The following UGT1A8 variants were observed in gnomAD, a reference collection of about 807,000 sequenced individuals.
UGT1A8 encodes the protein UDP-glucuronosyltransferase 1A8.
A neutral mutation model predicts 45.3 loss-of-function variants in UGT1A8; 39 were observed. That is an observed-to-expected ratio of 0.86 (90% CI 0.67 to 1.12). The LOEUF (loss-of-function observed/expected upper bound fraction) is 1.12. Ranked by LOEUF, UGT1A8 falls within the 50% of genes most tolerant of loss-of-function variation. The pLI is 0.00. For synonymous variants in UGT1A8, 275 were observed against 249.2 expected (o/e 1.10, Z -0.97); for missense variants, 719 against 664.9 (o/e 1.08, Z -0.90).
rs761622962 is a variant in UGT1A8 at position 233,769,246 on chromosome 2, A to C, written c.1295+807A>C. On this transcript the variant is annotated intron_variant, in intron 4 of 4. Transcript: ENST00000373450. The surrounding 1 kb of genome is among the most constrained non-coding windows in gnomAD (Gnocchi z 4.4). The stretch of plus-strand genomic sequence containing the variant: ...TAAGAGCAAAGGAAAATTTGCTCAA[A>C]TGTGGCCCTGAAAACGATTCAAAGG... Among the ~76,000 whole-genome samples the C allele has an allele frequency of 6.6e-6, 1 of 152,238 alleles. No individual in the cohort carries two copies. Among genetic ancestry groups the C allele is most frequent in the Non-Finnish European group, 1.5e-5 (1 of 68,028 alleles).
intron 1 of UGT1A8, among the ~76,000 whole-genome samples, chr2:233,677,140 C>T (rs796223393): frequency 2.0e-5 from 3 of 152,232 alleles, no homozygotes; most frequent in African/African-American, 7.2e-5. Context: ...TGGGGAGAAA[C>T]AACATCTTAG....
chr2:233,670,189 G>A (rs1168689740), intron 1 of UGT1A8, among the ~76,000 whole-genome samples: 20 of 152,186 alleles, frequency 1.3e-4, no homozygotes, highest in Admixed American at 1.3e-3. Context: ...TATTCATTAA[G>A]TGGAAGTGGA....
intron 1 of UGT1A8, among the ~76,000 whole-genome samples, chr2:233,629,535 A>C (rs28969974): frequency 0.02 from 3,023 of 152,116 alleles, 96 homozygotes; most frequent in African/African-American, 0.069. Context: ...ACTTGCCAAT[A>C]TTTTGTTTAA....
intron 1 of UGT1A8, among the ~76,000 whole-genome samples, chr2:233,678,371 A>G (rs1166606796): frequency 6.6e-6 from 1 of 152,122 alleles, no homozygotes; most frequent in African/African-American, 2.4e-5. Flanking sequence ...ATCATCTTCC[A>G]TTGAGTGGGC....
At chr2:233,732,918 GA>G (rs2078336060) in intron 1 of UGT1A8, among the ~76,000 whole-genome samples, 1 of 151,996 alleles carries the variant, frequency 6.6e-6, no homozygotes, top group South Asian at 2.1e-4. Flanking sequence ...CCATTTTCAC[GA>G]TATTGATTCT....
intron 4 of UGT1A8, chr2:233,770,154 AAC>A (rs1418683747): frequency 6.6e-6 from 1 of 152,270 alleles, no homozygotes. Context: ...TTTTTAAAAA[AAC>A]ACAAATCAAT....
At chr2:233,730,738 C>A (rs998277069) in intron 1 of UGT1A8, among the ~76,000 whole-genome samples, 1 of 152,038 alleles carries the variant, frequency 6.6e-6, no homozygotes, top group Non-Finnish European at 1.5e-5. Flanking sequence ...GCGGAAGGGG[C>A]TAGGGAGGAG....
intron 1 of UGT1A8, among the ~76,000 whole-genome samples, chr2:233,751,872 G>C (rs151015857): frequency 6.6e-6 from 1 of 152,110 alleles, no homozygotes; most frequent in Non-Finnish European, 1.5e-5. Context: ...AAATTACCCC[G>C]TCTTGGGTAT....
chr2:233,700,892 T>G (rs1471650676), intron 1 of UGT1A8, among the ~76,000 whole-genome samples: 1 of 151,456 alleles, frequency 6.6e-6, no homozygotes, highest in African/African-American at 2.4e-5. Context: ...CCCACAACAG[T>G]CCCCGGTGTG....
intron 1 of UGT1A8, among the ~76,000 whole-genome samples, chr2:233,674,532 G>T (rs1475217323): frequency 6.6e-6 from 1 of 151,966 alleles, no homozygotes; most frequent in Admixed American, 6.6e-5. Flanking sequence ...GTCACCCAGA[G>T]GCCTTTAGAG....
At chr2:233,729,773 AC>A (rs1344776353) in intron 1 of UGT1A8, 1 of 1,613,832 alleles carries the variant, frequency 6.2e-7, no homozygotes, top group African/African-American at 1.3e-5. Context: ...AACATGCTCT[AC>A]CCTCTGGCCC....
chr2:233,656,550 T>A (rs940185061), intron 1 of UGT1A8, among the ~76,000 whole-genome samples: 3 of 152,228 alleles, frequency 2.0e-5, no homozygotes, highest in African/African-American at 7.2e-5. Flanking sequence ...ATTCTTTAAG[T>A]GTAGGCGCCC....
At chr2:233,672,639 C>T (rs2074233943) in intron 1 of UGT1A8, 2 of 1,613,896 alleles carry the variant, frequency 1.2e-6, no homozygotes, top group Admixed American at 1.7e-5. Context: ...CTGAAATTCT[C>T]CAAACACCTG....
intron 1 of UGT1A8, chr2:233,743,965 G>A (rs1040596623): frequency 9.0e-6 from 12 of 1,330,234 alleles, no homozygotes; most frequent in Non-Finnish European, 1.0e-5. Context: ...CGAGCGGCAA[G>A]GCTGCCAGCA....
intron 1 of UGT1A8, among the ~76,000 whole-genome samples, chr2:233,706,330 G>C (rs184912416): frequency 6.6e-6 from 1 of 152,326 alleles, no homozygotes; most frequent in African/African-American, 2.4e-5. Context: ...AACTATTCAA[G>C]CTGGTGACCC....
At chr2:233,743,297 T>C in intron 1 of UGT1A8, 1 of 557,200 alleles carries the variant, frequency 1.8e-6, no homozygotes, top group South Asian at 1.6e-5. Context: ...TTCTCAATGA[T>C]TCTCTTGGTG....
chr2:233,704,079 C>G lies in UGT1A8; in HGVS notation c.856-62955C>G, dbSNP rs1447811434. Reference sequence around the variant, plus strand: ...CTAATTTTTGTATTTTTTATAGAGACAGAGTTTTGCCATGTTGGTCAGTCT... The same window carrying G: ...CTAATTTTTGTATTTTTTATAGAGAGAGAGTTTTGCCATGTTGGTCAGTCT... On this transcript the variant is annotated intron_variant, in intron 1 of 4. Transcript: ENST00000373450. Among the ~76,000 whole-genome samples, 10 of 151,988 alleles carry G rather than the reference C, an allele frequency of 6.6e-5. No individual in the cohort carries two copies. In the East Asian group the frequency reaches 1.9e-3, roughly 29 times the overall value.
At position 233,769,564 on chromosome 2, in the gene UGT1A8, A is replaced by G; in HGVS notation, c.1295+1125A>G. 2 of 1,612,876 alleles carry G rather than the reference A, an allele frequency of 1.2e-6. No homozygotes were observed. Among genetic ancestry groups the G allele is most frequent in the Non-Finnish European group, 1.7e-6 (2 of 1,179,838 alleles). Reference sequence around the variant, plus strand: ...AGCAGTCAGGAAGACAGATGTGAAGAGCTGGAGCATGTTCAGATGAGAGGA... The same window carrying G: ...AGCAGTCAGGAAGACAGATGTGAAGGGCTGGAGCATGTTCAGATGAGAGGA... On this transcript the variant is annotated intron_variant, in intron 4 of 4. Transcript: ENST00000373450. The surrounding 1 kb of genome is among the most constrained non-coding windows in gnomAD (Gnocchi z 4.4).
chr2:233,672,701 A>C, intron 1 of UGT1A8: 3 of 1,613,920 alleles, frequency 1.9e-6, no homozygotes, highest in Non-Finnish European at 2.5e-6. Flanking sequence ...TTGCGAACGG[A>C]CTTTGTTTTG....
Sources: gnomAD v4.1 joint callset for allele counts (sites outside exome capture counted in the v4.1 genomes callset) on GRCh38, gnomAD v4.1.1 for gene constraint, Gnocchi (gnomAD v3.1) non-coding constraint, MANE v1.5 for transcripts, NCBI Gene and HGNC (gene_info 2026-07-23, HGNC 2026-07-21) for gene names.